The following CEP192 variants were observed in gnomAD, a reference collection of about 807,000 sequenced individuals.
CEP192 encodes the protein centrosomal protein of 192 kDa.
Under a neutral mutation model 271.8 loss-of-function variants are expected in CEP192, and 151 were observed. The ratio of observed to expected loss-of-function variants is 0.56; its 90% CI spans 0.49 to 0.64. CEP192 has a LOEUF of 0.64. Ranked by LOEUF, CEP192 falls within the 30% of genes least tolerant of loss-of-function variation. The probability of loss-of-function intolerance (pLI) is 0.00; values close to 1 mark genes in which losing one functional copy is unlikely to be tolerated. For missense variants in CEP192, 2,910 were observed against 3,020.5 expected (o/e 0.96, Z 0.86); for synonymous variants, 995 against 1,076.5 (o/e 0.92, Z 1.48).
chr18:13,086,104 C>G (rs967350017), intron 30 of CEP192, among the ~76,000 whole-genome samples: 1 of 152,106 alleles, frequency 6.6e-6, no homozygotes, highest in Admixed American at 6.6e-5. Flanking sequence ...ATTGACTTCC[C>G]TTGTAAGTTG....
At chr18:13,028,739 C>T (rs1428998777) in intron 9 of CEP192, among the ~76,000 whole-genome samples, 2 of 152,092 alleles carry the variant, frequency 1.3e-5, no homozygotes, top group Non-Finnish European at 2.9e-5. Context: ...AGGGTGGTCT[C>T]GAACCCCTGA....
intron 9 of CEP192, among the ~76,000 whole-genome samples, chr18:13,024,936 A>AT (rs942825141): frequency 2.0e-5 from 3 of 147,984 alleles, no homozygotes; most frequent in African/African-American, 7.5e-5. Context: ...CACCTGGCTA[A>AT]TTTTTTTGTA....
chr18:13,015,369 T>C lies in CEP192; in HGVS notation c.561T>C (p.Thr187=), dbSNP rs2034584391. ...LDAGKHFEDK[T]LKSDLSHTSL... is the part of the protein sequence containing the mutation. ...CTGGAAAACATTTTGAAGACAAGAC[T>C]CTAAAGAGTGACCTAAGCCACACTA... The change falls in exon 6 of 45, where the codon ACT becomes ACC. Residue 187 remains threonine (T), a synonymous_variant. Coordinates refer to ENST00000506447, the MANE Select transcript of CEP192 (RefSeq NM_032142.4). 6.4e-7 allele frequency: 1 copy of C among 1,550,740 alleles called. No homozygotes were observed.
chr18:13,068,313 T>C (rs754677432), intron 23 of CEP192, 46 bp from the exon 24 acceptor site: 22 of 1,602,702 alleles, frequency 1.4e-5, no homozygotes, highest in Non-Finnish European at 1.9e-5. Context: ...GATAGTAATA[T>C]TAATACCAGT....
chr18:13,059,705 T>A (rs1422870190), intron 21 of CEP192, among the ~76,000 whole-genome samples: 4 of 152,174 alleles, frequency 2.6e-5, no homozygotes, highest in Non-Finnish European at 5.9e-5. Context: ...AGAAATTAGG[T>A]CTGGCCAAGT....
At chr18:13,023,724 G>A (rs759589332) in intron 9 of CEP192, among the ~76,000 whole-genome samples, 9 of 152,120 alleles carry the variant, frequency 5.9e-5, no homozygotes, top group Admixed American at 5.2e-4. Flanking sequence ...TGGGTATTAG[G>A]TTGATGCTGA....
intron 40 of CEP192, among the ~76,000 whole-genome samples, chr18:13,113,327 T>TC (rs1324008022): frequency 6.6e-6 from 1 of 152,124 alleles, no homozygotes; most frequent in Non-Finnish European, 1.5e-5. Flanking sequence ...TGATAACATT[T>TC]CCCCCCACAG....
At chr18:13,106,050 A>C (rs549498816) in intron 40 of CEP192, among the ~76,000 whole-genome samples, 3 of 152,186 alleles carry the variant, frequency 2.0e-5, no homozygotes, top group Non-Finnish European at 2.9e-5. Flanking sequence ...ACAAAACTGG[A>C]AACAACTATG....
chr18:13,027,693 C>T (rs978098368), intron 9 of CEP192, among the ~76,000 whole-genome samples: 22 of 152,144 alleles, frequency 1.4e-4, no homozygotes, highest in African/African-American at 5.1e-4. Flanking sequence ...CCTTTATACT[C>T]AGAACTGGAA....
intron 1 of CEP192, among the ~76,000 whole-genome samples, chr18:12,995,119 T>A (rs981388889): frequency 2.8e-5 from 4 of 143,104 alleles, no homozygotes; most frequent in Non-Finnish European, 3.0e-5. Context: ...TGGAGTACAG[T>A]GGCGCGATCT....
chr18:13,068,763 C>G, intron 24 of CEP192, 89 bp from the exon 25 acceptor site: 3 of 1,375,942 alleles, frequency 2.2e-6, no homozygotes, highest in Non-Finnish European at 2.0e-6. Flanking sequence ...TTTCTTATTG[C>G]CCCTAAGGGC....
intron 4 of CEP192, among the ~76,000 whole-genome samples, chr18:13,012,464 A>G (rs577509474): frequency 7.2e-5 from 11 of 152,188 alleles, no homozygotes; most frequent in Non-Finnish European, 1.3e-4. Flanking sequence ...ATTTTCTTAC[A>G]TAACCACGGT....
intron 21 of CEP192, among the ~76,000 whole-genome samples, chr18:13,060,941 AT>A (rs1270946017): frequency 1.2e-4 from 17 of 141,744 alleles, no homozygotes; most frequent in Non-Finnish European, 2.0e-4. Flanking sequence ...AAAAAAAAAA[AT>A]GAACTAATTT....
chr18:13,086,501 C>G (rs2038904460), intron 30 of CEP192, among the ~76,000 whole-genome samples: 1 of 152,158 alleles, frequency 6.6e-6, no homozygotes, highest in South Asian at 2.1e-4. Flanking sequence ...GGCTCACCCT[C>G]CATGGGCTGC....
At chr18:12,996,563 G>T (rs756722152) in intron 1 of CEP192, among the ~76,000 whole-genome samples, 1 of 152,088 alleles carries the variant, frequency 6.6e-6, no homozygotes, top group African/African-American at 2.4e-5. Context: ...GAAATTGAAG[G>T]CAATCACCCA....
intron 28 of CEP192, among the ~76,000 whole-genome samples, chr18:13,071,810 A>G (rs747928766): frequency 1.3e-5 from 2 of 152,174 alleles, no homozygotes; most frequent in Non-Finnish European, 2.9e-5. Context: ...TATGGCAGAA[A>G]CAGTTACACT....
chr18:13,051,624 A>G (rs973041637), intron 17 of CEP192, among the ~76,000 whole-genome samples: 3 of 152,086 alleles, frequency 2.0e-5, no homozygotes, highest in Non-Finnish European at 4.4e-5. Context: ...GCTCACTGCA[A>G]GCGCCGCCTC....
chr18:13,035,376 C>T (rs1403319930), intron 11 of CEP192, among the ~76,000 whole-genome samples: 1 of 152,158 alleles, frequency 6.6e-6, no homozygotes, highest in Non-Finnish European at 1.5e-5. Flanking sequence ...GCCTCAGAAT[C>T]ATGGTGGGAG....
chr18:13,088,637 A>T (rs1345857120), intron 32 of CEP192: 2 of 185,282 alleles, frequency 1.1e-5, no homozygotes, highest in Admixed American at 1.1e-4. Flanking sequence ...TGCTAATAAA[A>T]AATAATTAGA....
Sources: allele counts gnomAD v4.1 joint callset (sites outside exome capture counted in the v4.1 genomes callset), GRCh38; gene constraint gnomAD v4.1.1; transcripts MANE v1.5; gene names NCBI Gene and HGNC (gene_info 2026-07-23, HGNC 2026-07-21).